SERGEF: variants seen among roughly 807,000 people sequenced by gnomAD.
SERGEF encodes the protein secretion regulating guanine nucleotide exchange factor, also known as secretion-regulating guanine nucleotide exchange factor.
In SERGEF, 51 loss-of-function variants were observed where a neutral mutation model predicts 50.0. The observed-to-expected ratio is 1.02, with a 90% CI of 0.81 to 1.29. The LOEUF is 1.29. Among genes scored for constraint, SERGEF ranks in the 50% most tolerant of loss-of-function variants. The pLI is 0.00. For missense variants in SERGEF, 521 were observed against 557.0 expected (o/e 0.94, Z 0.65); for synonymous variants, 205 against 212.4 (o/e 0.97, Z 0.30).
chr11:17,789,606 A>G (rs151131603), intron 10 of SERGEF, among the ~76,000 whole-genome samples: 110 of 152,312 alleles, frequency 7.2e-4, no homozygotes, highest in African/African-American at 2.5e-3. Context: ...AAAATAATAC[A>G]TCTTCATGAC....
chr11:17,969,509 T>C (rs549681027), intron 8 of SERGEF, among the ~76,000 whole-genome samples: 1 of 152,074 alleles, frequency 6.6e-6, no homozygotes, highest in African/African-American at 2.4e-5. Flanking sequence ...AGTAGTAGGC[T>C]GGGGGGTGAG....
chr11:17,864,389 G>A (rs886228590), intron 10 of SERGEF, among the ~76,000 whole-genome samples: 1 of 152,102 alleles, frequency 6.6e-6, no homozygotes, highest in Non-Finnish European at 1.5e-5. Flanking sequence ...CGCTTCTTTA[G>A]GAACAGTGAA....
intron 10 of SERGEF, among the ~76,000 whole-genome samples, chr11:17,848,147 G>A (rs565067708): frequency 6.6e-6 from 1 of 152,284 alleles, no homozygotes; most frequent in East Asian, 1.9e-4. Flanking sequence ...CTGACCCTAA[G>A]GAAGGCCCAG....
intron 10 of SERGEF, among the ~76,000 whole-genome samples, chr11:17,808,178 G>A (rs1849797168): frequency 6.6e-6 from 1 of 152,162 alleles, no homozygotes; most frequent in Admixed American, 6.5e-5. Flanking sequence ...CCTGGCTTGG[G>A]CCCCTTGGAA....
intron 10 of SERGEF, among the ~76,000 whole-genome samples, chr11:17,800,848 G>C (rs1035889090): frequency 2.0e-5 from 3 of 152,114 alleles, no homozygotes; most frequent in African/African-American, 7.2e-5. Context: ...ATAGCAAGGA[G>C]GGTGACCACG....
intron 8 of SERGEF, among the ~76,000 whole-genome samples, chr11:17,986,872 G>A (rs909642666): frequency 6.6e-6 from 1 of 152,206 alleles, no homozygotes; most frequent in East Asian, 1.9e-4. Flanking sequence ...CTGGAATGTA[G>A]TAAAATTTTA....
intron 8 of SERGEF, among the ~76,000 whole-genome samples, chr11:17,972,269 T>TCAAACAGCATTGCATGCTAC (rs1853262827): frequency 6.6e-6 from 1 of 152,226 alleles, no homozygotes; most frequent in Non-Finnish European, 1.5e-5. Context: ...GTAAATGCTA[T>TCAAACAGCATTGCATGCTAC]CAAACAGCAT....
chr11:17,825,283 A>T (rs1372110316), intron 10 of SERGEF, among the ~76,000 whole-genome samples: 1 of 152,212 alleles, frequency 6.6e-6, no homozygotes, highest in East Asian at 1.9e-4. Flanking sequence ...CCTATAATAC[A>T]GTAAATAAAA....
chr11:17,840,208 A>G (rs1258691233), intron 10 of SERGEF, among the ~76,000 whole-genome samples: 2 of 152,204 alleles, frequency 1.3e-5, no homozygotes, highest in Non-Finnish European at 2.9e-5. Flanking sequence ...TAAATATTTC[A>G]TCACTCACTG....
At chr11:17,816,653 C>G (rs752426854) in intron 10 of SERGEF, among the ~76,000 whole-genome samples, 1 of 152,210 alleles carries the variant, frequency 6.6e-6, no homozygotes, top group Non-Finnish European at 1.5e-5. Context: ...CCACTTGCTC[C>G]TGCTAGCTCA....
At chr11:17,828,114 C>A (rs1234323001) in intron 10 of SERGEF, among the ~76,000 whole-genome samples, 1 of 152,134 alleles carries the variant, frequency 6.6e-6, no homozygotes, top group Admixed American at 6.5e-5. Context: ...TGAGATACCC[C>A]GTATCTACTG....
chr11:17,982,227 CTGTACT>C (rs1332928219), intron 8 of SERGEF, among the ~76,000 whole-genome samples: 1 of 152,326 alleles, frequency 6.6e-6, no homozygotes, highest in East Asian at 1.9e-4. Flanking sequence ...AGAAAGAACA[CTGTACT>C]GAGAGTCATG....
intron 10 of SERGEF, among the ~76,000 whole-genome samples, chr11:17,797,358 T>C (rs1849588671): frequency 6.6e-6 from 1 of 152,182 alleles, no homozygotes; most frequent in Non-Finnish European, 1.5e-5. Context: ...TTTCTTACTG[T>C]TCCTCAAACA....
chr11:17,995,515 G>C (rs2134003073), intron 6 of SERGEF, among the ~76,000 whole-genome samples: 1 of 152,278 alleles, frequency 6.6e-6, no homozygotes, highest in Non-Finnish European at 1.5e-5. Context: ...CTCTAATCAT[G>C]TCTTCCAACC....
chr11:17,968,075 C>T (rs1853164295), intron 8 of SERGEF, among the ~76,000 whole-genome samples: 1 of 152,218 alleles, frequency 6.6e-6, no homozygotes. Context: ...TATTTGACTG[C>T]ATATCTTAGT....
chr11:17,931,125 T>G (rs567064127), intron 9 of SERGEF, among the ~76,000 whole-genome samples: 6 of 152,330 alleles, frequency 3.9e-5, no homozygotes, highest in African/African-American at 1.4e-4. Context: ...CACTTGCTTC[T>G]GTATTTCAGG....
chr11:17,993,027 T>C, intron 6 of SERGEF, 34 bp from the exon 7 acceptor site: 1 of 1,587,210 alleles, frequency 6.3e-7, no homozygotes, highest in Non-Finnish European at 8.6e-7. Flanking sequence ...TGAATTACAT[T>C]TATAACAGAA....
chr11:18,000,787 G>A (rs1347290476), intron 4 of SERGEF: 1 of 662,808 alleles, frequency 1.5e-6, no homozygotes, highest in Non-Finnish European at 2.8e-6. Flanking sequence ...CAACTCTCAG[G>A]GCTGGGAGGC....
At chr11:17,915,880 A>G (rs1355073865) in intron 9 of SERGEF, among the ~76,000 whole-genome samples, 1 of 152,218 alleles carries the variant, frequency 6.6e-6, no homozygotes, top group Non-Finnish European at 1.5e-5. Context: ...AGGCTAGGCA[A>G]AGAAGCCAGT....
Sources: allele counts gnomAD v4.1 joint callset (sites outside exome capture counted in the v4.1 genomes callset), GRCh38; gene constraint gnomAD v4.1.1; transcripts MANE v1.5; gene names NCBI Gene and HGNC (gene_info 2026-07-23, HGNC 2026-07-21).